TOR1AIP1: variants seen among roughly 807,000 people sequenced by gnomAD.
TOR1AIP1 encodes torsin-1A-interacting protein 1.
Under a neutral mutation model 63.3 loss-of-function variants are expected in TOR1AIP1, and 54 were observed. The ratio of observed to expected loss-of-function variants is 0.85; its 90% CI spans 0.69 to 1.07. The LOEUF is 1.07. Ranked by LOEUF, TOR1AIP1 falls within the 50% of genes least tolerant of loss-of-function variation. TOR1AIP1 has a pLI of 0.00. For missense variants in TOR1AIP1, 736 were observed against 715.0 expected (o/e 1.03, Z -0.33); for synonymous variants, 294 against 273.5 (o/e 1.07, Z -0.74).
chr1:179,883,304 G>T (rs911743467), intron 1 of TOR1AIP1, among the ~76,000 whole-genome samples: 2 of 152,174 alleles, frequency 1.3e-5, no homozygotes, highest in Non-Finnish European at 2.9e-5. Context: ...GCGAATTACT[G>T]CAGGGTCGGT....
At chr1:179,912,718 C>G (rs1262517428) in intron 8 of TOR1AIP1, among the ~76,000 whole-genome samples, 1 of 152,178 alleles carries the variant, frequency 6.6e-6, no homozygotes, top group African/African-American at 2.4e-5. Context: ...CTAAGCTAAA[C>G]TAGTAATTGA....
At position 179,882,379 on chromosome 1, in the gene TOR1AIP1, C is replaced by G; in HGVS notation, c.-124C>G. ...CGCAGGCGGCGGCCCCAGCGACTCG[C>G]AACTGCCTCCCTGACCACAGCGGCC... On this transcript the variant is annotated 5_prime_UTR_variant, in exon 1 of 10. Coordinates refer to ENST00000606911, the MANE Select transcript of TOR1AIP1 (RefSeq NM_015602.4). The G allele has an allele frequency of 9.7e-7, 1 of 1,032,854 alleles. No homozygotes were observed. The highest frequency in any genetic ancestry group is 1.3e-6 in the Non-Finnish European group (1 of 770,706). The allele number at this position is 1,032,854 out of a possible 1,614,324, so 64.0% of individuals were successfully genotyped here.
intron 3 of TOR1AIP1, among the ~76,000 whole-genome samples, chr1:179,894,998 A>G (rs1648219026): frequency 1.3e-5 from 2 of 152,242 alleles, no homozygotes; most frequent in African/African-American, 2.4e-5. Context: ...AAACTGGCCA[A>G]GTAAAAGAAA....
chr1:179,913,603 A>G lies in TOR1AIP1; in HGVS notation c.908-395A>G, dbSNP rs1310384143. 3 of 702,312 alleles carry G rather than the reference A, an allele frequency of 4.3e-6. No individual in the cohort carries two copies. In the African/African-American group the frequency reaches 5.2e-5, roughly 12 times the overall value. 43.5% of individuals were successfully genotyped at this position (702,312 alleles called of 1,614,324 possible). On this transcript the variant is annotated intron_variant, in intron 8 of 9. Coordinates refer to ENST00000606911, the MANE Select transcript of TOR1AIP1 (RefSeq NM_015602.4). ...CTTTACAGCATCTTCACCAGGCAAG[A>G]GTTCAATATATGGCAGTTTTTCAGA...
rs751467256 is a variant in TOR1AIP1 at position 179,882,513 on chromosome 1, A to G, written c.11A>G (p.Asp4Gly). 7 of 1,453,028 alleles carry G rather than the reference A, an allele frequency of 4.8e-6. No individual in the cohort carries two copies. The African/African-American group carries it at 1.0e-4, about 21-fold the overall frequency. The allele number at this position is 1,453,028 out of a possible 1,614,324, so 90.0% of individuals were successfully genotyped here. The change falls in exon 1 of 10, where the codon GAC becomes GGC. Residue 4 changes from aspartate (D) to glycine (G), a missense_variant. Transcript: ENST00000606911. ...GCTACGTCAACAACTATGGCGGGCG[A>G]CGGGCGGCGGGCAGAGGCGGTGCGG... Reference protein sequence around the residue: MAGDGRRAEAVREG... With the variant: MAGGGRRAEAVREG...
intron 2 of TOR1AIP1, chr1:179,888,062 G>C (rs919877485): frequency 3.9e-5 from 6 of 152,320 alleles, no homozygotes; most frequent in South Asian, 2.1e-4. Context: ...TGCAGGAAAT[G>C]CTTCTTAAAT....
chr1:179,906,634 A>G (rs1280305000), intron 6 of TOR1AIP1, among the ~76,000 whole-genome samples: 1 of 151,052 alleles, frequency 6.6e-6, no homozygotes, highest in Admixed American at 6.6e-5. Flanking sequence ...CCATTTCTTT[A>G]TGGTATGGTA....
At chr1:179,913,433 A>C (rs1375356424) in intron 8 of TOR1AIP1, among the ~76,000 whole-genome samples, 2 of 152,234 alleles carry the variant, frequency 1.3e-5, no homozygotes, top group Admixed American at 1.3e-4. Context: ...AAATACTACT[A>C]GTATTTGAAA....
At chr1:179,886,246 T>C (rs1231002213) in intron 2 of TOR1AIP1, among the ~76,000 whole-genome samples, 1 of 152,208 alleles carries the variant, frequency 6.6e-6, no homozygotes, top group Non-Finnish European at 1.5e-5. Context: ...ATAAAAATTA[T>C]GGAGTTAAGT....
rs898533169 is a variant in TOR1AIP1 at position 179,917,549 on chromosome 1, C to A, written c.1062C>A (p.Phe354Leu). 3 of 1,614,052 alleles carry A rather than the reference C, an allele frequency of 1.9e-6. No homozygotes were observed. In the East Asian group the frequency reaches 6.7e-5, roughly 36 times the overall value. Residue 354 changes from phenylalanine to leucine, a missense_variant, in exon 10 of 10, where the codon TTC becomes TTA. By Grantham distance (22) the Phe-to-Leu change is conservative (BLOSUM62 0). This residue lies in a region of TOR1AIP1 where 272 missense variants were observed against 344.1 expected (regional missense o/e 0.79). Coordinates refer to ENST00000606911, the MANE Select transcript of TOR1AIP1 (RefSeq NM_015602.4). ...CTCTTGCCTCTGGGAGTTTTTGGTTCTTTAGTACTCCTGAGGTAGAAACCA... is the reference window on the plus strand; with the variant it reads ...CTCTTGCCTCTGGGAGTTTTTGGTTATTTAGTACTCCTGAGGTAGAAACCA... ...IAALASGSFW[F>L]FSTPEVETTA...
At chr1:179,889,222 T>G in intron 2 of TOR1AIP1, 91 bp from the exon 3 acceptor site, 1 of 1,036,358 alleles carries the variant, frequency 9.6e-7, no homozygotes, top group Non-Finnish European at 1.4e-6. Flanking sequence ...CTGTAAACCT[T>G]TGTTGAATAA....
intron 4 of TOR1AIP1, 83 bp from the exon 5 acceptor site, chr1:179,901,219 A>G: frequency 7.0e-6 from 6 of 861,302 alleles, no homozygotes; most frequent in Non-Finnish European, 1.1e-5. Flanking sequence ...TTTTAATGTT[A>G]AATTATTTGC....
chr1:179,907,279 T>A (rs1447394715), intron 6 of TOR1AIP1, among the ~76,000 whole-genome samples: 1 of 150,568 alleles, frequency 6.6e-6, no homozygotes, highest in African/African-American at 2.4e-5. Context: ...AGACAAAAAA[T>A]TTGGTCAGGC....
In TOR1AIP1 at chr1:179,882,513, ACGGGCGG is replaced by A; in HGVS notation, c.17_23del (p.Arg6GlnfsTer50). On this transcript the variant is annotated frameshift_variant, in exon 1 of 10. Coordinates refer to ENST00000606911, the MANE Select transcript of TOR1AIP1 (RefSeq NM_015602.4). LOFTEE classifies it high-confidence loss of function. ...GCTACGTCAACAACTATGGCGGGCG[ACGGGCGG>A]CGGGCAGAGGCGGTGCGGGAAGGAT... is the stretch of plus-strand genomic sequence containing the variant. The A allele has an allele frequency of 6.9e-7, 1 of 1,453,146 alleles. No individual in the cohort carries two copies. The highest frequency in any genetic ancestry group is 1.4e-5 in the African/African-American group (1 of 69,646). The allele number at this position is 1,453,146 out of a possible 1,614,324, so 90.0% of individuals were successfully genotyped here. A position where few individuals can be genotyped will look rare whatever the true frequency, so the allele number is the denominator to read the frequency against.
At chr1:179,894,172 A>C (rs1028210834) in intron 3 of TOR1AIP1, among the ~76,000 whole-genome samples, 66 of 149,390 alleles carry the variant, frequency 4.4e-4, no homozygotes, top group African/African-American at 1.6e-3. Flanking sequence ...AATGGCGTGA[A>C]CCCGGAAGGC....
rs562193209 is a variant in TOR1AIP1 at position 179,908,755 on chromosome 1, T to G, written c.907+82T>G. On this transcript the variant is annotated intron_variant, in intron 8 of 9. Transcript: ENST00000606911. ...TGACAAAAATATTTAGTTCTTCAGA[T>G]AAACATTTAGGTTGTTTGTGATTTC... The G allele has an allele frequency of 2.5e-6, 3 of 1,188,490 alleles. No homozygotes were observed. The East Asian group carries it at 7.6e-5, about 30-fold the overall frequency. The allele number at this position is 1,188,490 out of a possible 1,614,324, so 73.6% of individuals were successfully genotyped here. A position where few individuals can be genotyped will look rare whatever the true frequency, so the allele number is the denominator to read the frequency against.
chr1:179,906,951 A>T (rs931716440), intron 6 of TOR1AIP1, among the ~76,000 whole-genome samples: 1 of 151,342 alleles, frequency 6.6e-6, no homozygotes, highest in African/African-American at 2.4e-5. Flanking sequence ...GTTAGCCAGG[A>T]TGGTCTCGAT....
At chr1:179,883,160 G>A in intron 1 of TOR1AIP1, 183 bp downstream of exon 1, 1 of 640,560 alleles carries the variant, frequency 1.6e-6, no homozygotes. Flanking sequence ...AGCGGGGAAG[G>A]AAGCGCCGAC....
chr1:179,917,304 TTTA>T (rs1649051688), intron 9 of TOR1AIP1, 145 bp from the exon 10 acceptor site: 7 of 710,510 alleles, frequency 9.9e-6, no homozygotes, highest in Non-Finnish European at 1.6e-5. Context: ...GATAAATTAT[TTTA>T]TTAAGAAAAT....
Sources: gnomAD v4.1 joint callset for allele counts (sites outside exome capture counted in the v4.1 genomes callset) on GRCh38, gnomAD v4.1.1 for gene constraint, gnomAD v4.1.1 regional missense constraint, MANE v1.5 for transcripts, NCBI Gene and HGNC (gene_info 2026-07-23, HGNC 2026-07-21) for gene names.